The following USH2A variants were observed in gnomAD, a reference collection of about 807,000 sequenced individuals.
The protein encoded by USH2A is Usher syndrome 2A (autosomal recessive, mild).
In USH2A, 443 loss-of-function variants were observed where a neutral mutation model predicts 538.9. The observed-to-expected ratio is 0.82, with a 90% CI of 0.76 to 0.89. The LOEUF (loss-of-function observed/expected upper bound fraction) is 0.89, where lower values mean the gene tolerates loss of function less well. Ranked by LOEUF, USH2A falls within the 40% of genes least tolerant of loss-of-function variation. USH2A has a pLI of 0.00. For synonymous variants in USH2A, 2,413 were observed against 2,273.5 expected, an observed-to-expected ratio of 1.06 and a Z score of -1.75; for missense variants, 6,633 against 6,324.8, an observed-to-expected ratio of 1.05 and a Z score of -1.65.
chr1:216,141,643 T>A (rs2033605916), intron 21 of USH2A, among the ~76,000 whole-genome samples: 1 of 152,182 alleles, frequency 6.6e-6, no homozygotes, highest in African/African-American at 2.4e-5. Flanking sequence ...ATTGGAGTGG[T>A]CTGCAAAACC....
chr1:215,671,181 C>T lies in USH2A; in HGVS notation c.13924G>A (p.Val4642Ile), dbSNP rs1657802910. Residue 4642 changes from valine (V) to isoleucine (I), a missense_variant, in exon 64 of 72, where the codon GTA becomes ATA. Physicochemically the swap from Val to Ile is conservative, Grantham distance 29. Transcript: ENST00000307340. ...TGGAATCCTCCTGGAGCCATTTGTA[C>T]CTCCAGATGTGGAGGGGGTTGCATC... Reference protein sequence around the residue: ...PLMQPPPHLEVQMAPGGFQPT... With the variant: ...PLMQPPPHLEIQMAPGGFQPT... The T allele has an allele frequency of 1.2e-6, 2 of 1,614,084 alleles. No homozygotes were observed. The highest frequency in any genetic ancestry group is 1.7e-6 in the Non-Finnish European group (2 of 1,180,006).
At chr1:215,993,818 A>T (rs2102477489) in intron 34 of USH2A, among the ~76,000 whole-genome samples, 1 of 152,306 alleles carries the variant, frequency 6.6e-6, no homozygotes, top group East Asian at 1.9e-4. Context: ...TCATTAAAAC[A>T]TGTTTGACAA....
chr1:215,916,581 C>A (rs13375245), intron 38 of USH2A, among the ~76,000 whole-genome samples: 14,520 of 151,954 alleles, frequency 0.096, 1,055 homozygotes, highest in African/African-American at 0.2. Flanking sequence ...TATATAAAAC[C>A]CAATGGGCAG....
chr1:216,208,410 T>C (rs2035167046), intron 15 of USH2A, among the ~76,000 whole-genome samples: 1 of 152,114 alleles, frequency 6.6e-6, no homozygotes, highest in Admixed American at 6.5e-5. Flanking sequence ...TTAAGAAATA[T>C]GTAAATGTAA....
rs537043817 is a variant in USH2A at position 215,743,454 on chromosome 1, A to G, written c.11390-119T>C. The stretch of plus-strand genomic sequence containing the variant: ...GACACACATATATATATAAATAAAT[A>G]TATATAGACACACATATATATATAA... On this transcript the variant is annotated intron_variant, in intron 58 of 71. Coordinates refer to ENST00000307340, the MANE Select transcript of USH2A (RefSeq NM_206933.4). The G allele has an allele frequency of 5.1e-3, 1,469 of 285,610 alleles. 144 individuals carry two copies. The highest frequency in any genetic ancestry group is 0.038 in the Admixed American group (562 of 14,734). The allele number at this position is 285,610 out of a possible 1,614,324, so 17.7% of individuals were successfully genotyped here.
intron 21 of USH2A, among the ~76,000 whole-genome samples, chr1:216,160,176 A>C (rs113076480): frequency 4.2e-4 from 64 of 151,614 alleles, no homozygotes; most frequent in African/African-American, 1.4e-3. Context: ...CTTTTATTCA[A>C]ATATTTTTTG....
chr1:216,389,220 G>T (rs975015392), intron 3 of USH2A, among the ~76,000 whole-genome samples: 1 of 152,114 alleles, frequency 6.6e-6, no homozygotes, highest in East Asian at 1.9e-4. Flanking sequence ...CAAAAAAAGA[G>T]TCTTAAGGAT....
At chr1:216,082,193 T>G (rs1002551011) in intron 26 of USH2A, among the ~76,000 whole-genome samples, 39 of 152,106 alleles carry the variant, frequency 2.6e-4, no homozygotes, top group African/African-American at 8.9e-4. Flanking sequence ...TTGATTAACA[T>G]GATAATTGCT....
chr1:216,144,151 T>C (rs1296095060), intron 21 of USH2A, among the ~76,000 whole-genome samples: 3 of 152,190 alleles, frequency 2.0e-5, no homozygotes, highest in East Asian at 1.9e-4. Context: ...CCACATGTTA[T>C]GTAATGAGAA....
At chr1:215,663,609 C>T (rs1000759544) in intron 64 of USH2A, among the ~76,000 whole-genome samples, 20 of 152,068 alleles carry the variant, frequency 1.3e-4, no homozygotes, top group Admixed American at 8.5e-4. Context: ...GTGGGCCCTG[C>T]GACCACACCT....
intron 9 of USH2A, among the ~76,000 whole-genome samples, chr1:216,300,743 T>G (rs1190198090): frequency 1.4e-5 from 2 of 145,836 alleles, no homozygotes; most frequent in South Asian, 2.2e-4. Flanking sequence ...GACTCAATGT[T>G]TTTTTTTTTT....
intron 4 of USH2A, among the ~76,000 whole-genome samples, chr1:216,355,320 AAAG>A (rs1367872497): frequency 3.4e-5 from 2 of 58,176 alleles, no homozygotes; most frequent in East Asian, 6.9e-4. Flanking sequence ...AGAAAGAAAG[AAAG>A]AAAGAAAGAA....
chr1:216,380,156 C>T (rs1020001852), intron 3 of USH2A, among the ~76,000 whole-genome samples: 7 of 151,760 alleles, frequency 4.6e-5, no homozygotes, highest in South Asian at 2.1e-4. Context: ...TGATAGGTAC[C>T]GCAAAAGACG....
At chr1:215,981,794 A>T (rs574269956) in intron 35 of USH2A, among the ~76,000 whole-genome samples, 1 of 152,308 alleles carries the variant, frequency 6.6e-6, no homozygotes, top group East Asian at 1.9e-4. Context: ...AATGGATATT[A>T]ATCATTTACC....
At chr1:215,626,327 A>T (rs1010528562) in intron 71 of USH2A, among the ~76,000 whole-genome samples, 1 of 150,370 alleles carries the variant, frequency 6.7e-6, no homozygotes, top group African/African-American at 2.4e-5. Context: ...GTATGTATGT[A>T]TGTATATAGT....
At chr1:215,725,969 T>C (rs1438771558) in intron 61 of USH2A, among the ~76,000 whole-genome samples, 1 of 152,214 alleles carries the variant, frequency 6.6e-6, no homozygotes, top group East Asian at 1.9e-4. Context: ...ACAGGGTTAT[T>C]CCACAAGGGA....
At chr1:215,773,454 G>A (rs948339888) in intron 55 of USH2A, among the ~76,000 whole-genome samples, 10 of 150,662 alleles carry the variant, frequency 6.6e-5, no homozygotes, top group African/African-American at 2.0e-4. Context: ...GCTTTGGTCC[G>A]CTGCCTCCCC....
intron 4 of USH2A, among the ~76,000 whole-genome samples, chr1:216,355,106 G>A (rs1260193315): frequency 1.3e-5 from 2 of 151,814 alleles, no homozygotes; most frequent in Non-Finnish European, 2.9e-5. Flanking sequence ...TCAGGAGTTC[G>A]AGACCAGCCT....
In USH2A at chr1:215,623,214, C is replaced by T. The variant is rs1009059859; in HGVS notation, c.*2567G>A. 1 of 151,906 alleles carries T rather than the reference C, an allele frequency of 6.6e-6. No homozygotes were observed. The highest frequency in any genetic ancestry group is 2.1e-4 in the South Asian group (1 of 4,822). The allele number at this position is 151,906 out of a possible 1,614,324, so 9.4% of individuals were successfully genotyped here. On this transcript the variant is annotated 3_prime_UTR_variant, in exon 72 of 72. Transcript: ENST00000307340. ...TTAAGAATAACAAAACATGGTAGTT[C>T]GTAAGCTGAGAATGTGGCATGTACA...
Sources: allele counts gnomAD v4.1 joint callset (sites outside exome capture counted in the v4.1 genomes callset), GRCh38; gene constraint gnomAD v4.1.1; transcripts MANE v1.5; gene names NCBI Gene and HGNC (gene_info 2026-07-23, HGNC 2026-07-21).